EIF4ENIF1: variants seen among roughly 807,000 people sequenced by gnomAD.
EIF4ENIF1 encodes eukaryotic translation initiation factor 4E transporter.
EIF4ENIF1 carries 23 observed loss-of-function variants against 110.5 expected under a neutral mutation model. That is an observed-to-expected ratio of 0.21 (90% CI 0.15 to 0.29). EIF4ENIF1 has a LOEUF of 0.29. Ranked by LOEUF, EIF4ENIF1 falls within the 10% of genes least tolerant of loss-of-function variation. The pLI, the probability that EIF4ENIF1 is intolerant of heterozygous loss-of-function variation, is 1.00. For missense variants in EIF4ENIF1, 1,031 were observed against 1,221.1 expected, an observed-to-expected ratio of 0.84 and a Z score of 2.32; for synonymous variants, 440 against 437.0, an observed-to-expected ratio of 1.01 and a Z score of -0.09.
chr22:31,485,366 T>C (rs2051978640), intron 2 of EIF4ENIF1, among the ~76,000 whole-genome samples: 1 of 152,052 alleles, frequency 6.6e-6, no homozygotes, highest in Non-Finnish European at 1.5e-5. Flanking sequence ...GAAACATAAG[T>C]CCTACCCTAA....
At chr22:31,491,699 G>T (rs2052286318), upstream of EIF4ENIF1, among the ~76,000 whole-genome samples, 1 of 151,982 alleles carries the variant, frequency 6.6e-6, no homozygotes, top group Non-Finnish European at 1.5e-5. Context: ...TGCCACTACA[G>T]CAGGCTAATT....
upstream of EIF4ENIF1, among the ~76,000 whole-genome samples, chr22:31,490,749 G>A (rs559162028): frequency 6.6e-6 from 1 of 152,262 alleles, no homozygotes; most frequent in African/African-American, 2.4e-5. Context: ...CCTATGTGCT[G>A]GAATACCACA....
intron 6 of EIF4ENIF1, among the ~76,000 whole-genome samples, chr22:31,460,673 G>A (rs1191344073): frequency 2.7e-5 from 4 of 150,216 alleles, no homozygotes; most frequent in East Asian, 3.9e-4. Context: ...GAGGACTGGC[G>A]CAGTGGCTCA....
In EIF4ENIF1 at chr22:31,440,758, G is replaced by A. The variant is rs775288608; in HGVS notation, c.2662C>T (p.Arg888Cys). ...PAASHPLLNP[R>C]PGTPLHLAMV... ...GCCAGATGCAGAGGTGTTCCAGGACGAGGGTTTAAGAGAGGGTGACTAGCA... is the reference window on the plus strand; with the variant it reads ...GCCAGATGCAGAGGTGTTCCAGGACAAGGGTTTAAGAGAGGGTGACTAGCA... Residue 888 changes from arginine (R) to cysteine (C), a missense_variant, in exon 18 of 19, where the codon CGT (arginine) becomes TGT (cysteine). This residue lies in a region of EIF4ENIF1 where 309 missense variants were observed against 299.1 expected (regional missense o/e 1.03). Coordinates refer to ENST00000330125, the MANE Select transcript of EIF4ENIF1 (RefSeq NM_019843.4). 1.4e-5 allele frequency: 23 copies of A among 1,613,904 alleles called. No homozygotes were observed. Among genetic ancestry groups the A allele is most frequent in the South Asian group, 4.4e-5 (4 of 91,084 alleles).
intron 3 of EIF4ENIF1, 111 bp from the exon 4 acceptor site, chr22:31,468,413 G>C: frequency 6.8e-7 from 1 of 1,481,178 alleles, no homozygotes; most frequent in Non-Finnish European, 9.2e-7. Flanking sequence ...CTCCTTTTTT[G>C]AGACAGGGTC....
chr22:31,448,985 C>T (rs951696283), intron 12 of EIF4ENIF1, among the ~76,000 whole-genome samples: 5 of 152,136 alleles, frequency 3.3e-5, no homozygotes, highest in East Asian at 3.9e-4. Flanking sequence ...GTATCTTCCA[C>T]GTTTGGTACC....
chr22:31,446,156 A>G (rs768612104), intron 14 of EIF4ENIF1, among the ~76,000 whole-genome samples: 44 of 151,378 alleles, frequency 2.9e-4, no homozygotes, highest in Non-Finnish European at 6.0e-4. Flanking sequence ...GTGGTGGCAC[A>G]CTCCTGTAAT....
chr22:31,454,404 A>G, intron 9 of EIF4ENIF1, 28 bp from the exon 10 acceptor site: 1 of 1,592,696 alleles, frequency 6.3e-7, no homozygotes, highest in Non-Finnish European at 8.6e-7. Context: ...TCCAGGTTAA[A>G]TCAAGCAAAG....
At chr22:31,437,880 G>A (rs1433067834), downstream of EIF4ENIF1, 1 of 152,174 alleles carries the variant, frequency 6.6e-6, no homozygotes, top group East Asian at 1.9e-4. Context: ...CTGAAGCTGA[G>A]GAATCACATG....
rs770584039 is a variant in EIF4ENIF1 at position 31,444,596 on chromosome 22, G to A, written c.2073+10C>T. On this transcript the variant is annotated intron_variant, in intron 15 of 18. Transcript: ENST00000330125. ...CTTAAAGTCCTTCACAGTTACTAAA[G>A]GTCACTGACCATGCTTGTGATGGAG... 3 of 1,613,222 alleles carry A rather than the reference G, an allele frequency of 1.9e-6. No homozygotes were observed. The Admixed American group carries it at 5.0e-5, about 27-fold the overall frequency.
intron 2 of EIF4ENIF1, among the ~76,000 whole-genome samples, chr22:31,484,761 G>A (rs2051955054): frequency 6.6e-6 from 1 of 152,138 alleles, no homozygotes; most frequent in African/African-American, 2.4e-5. Flanking sequence ...TTGAACCTGG[G>A]GCGGAGGTTG....
At chr22:31,455,444 G>A (rs1365534362) in intron 8 of EIF4ENIF1, 129 bp from the exon 9 acceptor site, 11 of 824,864 alleles carry the variant, frequency 1.3e-5, no homozygotes, top group African/African-American at 1.8e-5. Flanking sequence ...TTTCGCCCAG[G>A]CTGGAGTGCA....
rs777757325 is a variant in EIF4ENIF1 at position 31,463,982 on chromosome 22, G to T, written c.299-15C>A. 3 of 1,604,066 alleles carry T rather than the reference G, an allele frequency of 1.9e-6. No homozygotes were observed. Among genetic ancestry groups the T allele is most frequent in the Non-Finnish European group, 2.5e-6 (3 of 1,176,876 alleles). ...CTCTCGTGGATCTGGAAGGACGTGGGAAAGACAAAGTTAAACAAACCAACA... is the reference window on the plus strand; with the variant it reads ...CTCTCGTGGATCTGGAAGGACGTGGTAAAGACAAAGTTAAACAAACCAACA... On this transcript the variant is annotated splice_polypyrimidine_tract_variant and intron_variant, in intron 4 of 18. Coordinates refer to ENST00000330125, the MANE Select transcript of EIF4ENIF1 (RefSeq NM_019843.4).
At chr22:31,447,898 T>A (rs576997754) in intron 13 of EIF4ENIF1, among the ~76,000 whole-genome samples, 5 of 152,218 alleles carry the variant, frequency 3.3e-5, no homozygotes, top group African/African-American at 1.2e-4. Flanking sequence ...CTCAAGCGAT[T>A]CTCCTGCCTC....
At chr22:31,488,512 C>T in intron 2 of EIF4ENIF1, 111 bp downstream of exon 2, 1 of 1,456,212 alleles carries the variant, frequency 6.9e-7, no homozygotes, top group South Asian at 1.2e-5. Context: ...ATATTTAGTC[C>T]ATGTAGTGAG....
intron 13 of EIF4ENIF1, 151 bp from the exon 14 acceptor site, chr22:31,447,716 G>GAACA: frequency 1.2e-6 from 1 of 825,940 alleles, no homozygotes; most frequent in Non-Finnish European, 1.8e-6. Context: ...CCATCGCAGT[G>GAACA]AACAAGATTA....
chr22:31,489,791 T>A lies in EIF4ENIF1; in HGVS notation c.-125A>T, dbSNP rs1369986171. On this transcript the variant is annotated 5_prime_UTR_variant, in exon 1 of 19. Coordinates refer to ENST00000330125, the MANE Select transcript of EIF4ENIF1 (RefSeq NM_019843.4). ...GCGCCGCTCCCCGCAGCCTTCGCTC[T>A]CGCGCCCCCACCCCGACCGGCTTGG... 1 of 151,624 alleles carries A rather than the reference T, an allele frequency of 6.6e-6. No homozygotes were observed. The highest frequency in any genetic ancestry group is 2.0e-4 in the East Asian group (1 of 5,112). 9.4% of individuals were successfully genotyped at this position (151,624 alleles called of 1,614,324 possible). A position where few individuals can be genotyped will look rare whatever the true frequency, so the allele number is the denominator to read the frequency against.
At chr22:31,480,986 C>T (rs1484525304) in intron 2 of EIF4ENIF1, among the ~76,000 whole-genome samples, 2 of 152,158 alleles carry the variant, frequency 1.3e-5, no homozygotes, top group Non-Finnish European at 2.9e-5. Context: ...TCACTTCAAC[C>T]TGGGAGGTGG....
chr22:31,493,150 C>G (rs1012051264), upstream of EIF4ENIF1, among the ~76,000 whole-genome samples: 1 of 152,050 alleles, frequency 6.6e-6, no homozygotes, highest in Non-Finnish European at 1.5e-5. Context: ...TCTGCCTCAG[C>G]CTCCCGAGTA....
Sources: gnomAD v4.1 joint callset for allele counts (sites outside exome capture counted in the v4.1 genomes callset) on GRCh38, gnomAD v4.1.1 for gene constraint, gnomAD v4.1.1 regional missense constraint, MANE v1.5 for transcripts, NCBI Gene and HGNC (gene_info 2026-07-23, HGNC 2026-07-21) for gene names.